HPSE2: variants seen among roughly 807,000 people sequenced by gnomAD.
HPSE2 encodes inactive heparanase-2.
Under a neutral mutation model 60.5 loss-of-function variants are expected in HPSE2, and 38 were observed. The ratio of observed to expected loss-of-function variants is 0.63; its 90% CI spans 0.48 to 0.82. The LOEUF is 0.82. Among genes scored for constraint, HPSE2 ranks in the 40% least tolerant of loss-of-function variants. The probability of loss-of-function intolerance (pLI) is 0.00; values close to 1 mark genes in which losing one functional copy is unlikely to be tolerated. For missense variants in HPSE2, 713 were observed against 740.4 expected (o/e 0.96, Z 0.43); for synonymous variants, 295 against 293.2 (o/e 1.01, Z -0.06).
intron 4 of HPSE2, among the ~76,000 whole-genome samples, chr10:98,730,813 G>T (rs1173083756): frequency 1.3e-5 from 2 of 152,204 alleles, no homozygotes; most frequent in African/African-American, 4.8e-5. Context: ...CATTGAGGTA[G>T]TAATTAAAAA....
chr10:98,844,420 ATTAT>A (rs1181137866), intron 3 of HPSE2, among the ~76,000 whole-genome samples: 2 of 152,194 alleles, frequency 1.3e-5, no homozygotes, highest in Non-Finnish European at 2.9e-5. Context: ...GATTTTGATA[ATTAT>A]TTAAATGATA....
intron 5 of HPSE2, among the ~76,000 whole-genome samples, chr10:98,699,504 A>G (rs1304357532): frequency 3.7e-5 from 4 of 107,382 alleles, no homozygotes; most frequent in Non-Finnish European, 8.3e-5. Context: ...AAATAATAAG[A>G]GCTATCTATG....
At chr10:99,104,379 T>C (rs1321410067) in intron 3 of HPSE2, among the ~76,000 whole-genome samples, 2 of 152,254 alleles carry the variant, frequency 1.3e-5, no homozygotes, top group South Asian at 2.1e-4. Context: ...CTCACACCAG[T>C]TAGAATGGTG....
chr10:99,130,588 C>T (rs1004861899), intron 3 of HPSE2, among the ~76,000 whole-genome samples: 16 of 152,048 alleles, frequency 1.1e-4, no homozygotes, highest in African/African-American at 3.9e-4. Flanking sequence ...TTCTCTTGGC[C>T]CCAAGGAAGG....
chr10:98,624,158 G>GAAGGAGAATAATAATA (rs371225265), intron 7 of HPSE2, among the ~76,000 whole-genome samples: 12 of 151,588 alleles, frequency 7.9e-5, no homozygotes, highest in African/African-American at 2.9e-4. Flanking sequence ...TTAGTCAAGG[G>GAAGGAGAATAATAATA]AAGGAGAATA....
intron 3 of HPSE2, among the ~76,000 whole-genome samples, chr10:98,876,065 G>C (rs566304755): frequency 1.2e-4 from 18 of 151,830 alleles, no homozygotes; most frequent in Non-Finnish European, 1.9e-4. Context: ...CCTACTTAAT[G>C]GGGTTCATGT....
chr10:98,850,736 CAAAAAAAAAAAA>C (rs11345838), intron 3 of HPSE2, among the ~76,000 whole-genome samples: 1 of 71,894 alleles, frequency 1.4e-5, no homozygotes, highest in African/African-American at 5.7e-5. Context: ...GACTCCATCT[CAAAAAAAAAAAA>C]AAAAAAAAAA....
upstream of HPSE2, among the ~76,000 whole-genome samples, chr10:99,238,839 A>G (rs1162881858): frequency 6.6e-6 from 1 of 152,152 alleles, no homozygotes; most frequent in Non-Finnish European, 1.5e-5. Flanking sequence ...AACTTCCTAG[A>G]AGACAAGTAT....
Position 99,148,627 on chromosome 10 carries a change from C to A in HPSE2, c.449-4228G>T, listed in dbSNP as rs573084960. On this transcript the variant is annotated intron_variant, in intron 2 of 11. Transcript: ENST00000370552. ...CCAACCTGGTGAAGCCCCGTCTCTACTAAAAACACAAAATTAGCCAGGCAT... is the reference window on the plus strand; with the variant it reads ...CCAACCTGGTGAAGCCCCGTCTCTAATAAAAACACAAAATTAGCCAGGCAT... 2.0e-5 allele frequency among the ~76,000 whole-genome samples: 3 copies of A among 152,154 alleles called. No individual in the cohort carries two copies. In the South Asian group the frequency reaches 6.2e-4, roughly 32 times the overall value.
chr10:98,842,042 G>A (rs1015958751), intron 3 of HPSE2, among the ~76,000 whole-genome samples: 4 of 152,096 alleles, frequency 2.6e-5, no homozygotes, highest in South Asian at 2.1e-4. Flanking sequence ...TCCTGACCTC[G>A]TGATCCGCCT....
chr10:99,247,591 C>A, the HPSE2 span, among the ~76,000 whole-genome samples: 50 of 152,316 alleles, frequency 3.3e-4, no homozygotes, highest in Non-Finnish European at 6.5e-4. Context: ...TTAAAAGACA[C>A]AGAGTGGTGA....
intron 3 of HPSE2, among the ~76,000 whole-genome samples, chr10:98,964,618 T>C (rs1190875980): frequency 6.6e-6 from 1 of 152,134 alleles, no homozygotes; most frequent in Non-Finnish European, 1.5e-5. Flanking sequence ...TTAGTATTCA[T>C]CAAGGATCTA....
chr10:98,617,513 C>T (rs892534968), intron 8 of HPSE2, among the ~76,000 whole-genome samples: 1 of 152,084 alleles, frequency 6.6e-6, no homozygotes, highest in African/African-American at 2.4e-5. Flanking sequence ...AACCTACATC[C>T]CTATATGCAT....
At chr10:98,844,109 A>T (rs1470077006) in intron 3 of HPSE2, among the ~76,000 whole-genome samples, 1 of 152,176 alleles carries the variant, frequency 6.6e-6, no homozygotes, top group Non-Finnish European at 1.5e-5. Context: ...TGGGCAAGTC[A>T]CTTACCCTCT....
intron 9 of HPSE2, among the ~76,000 whole-genome samples, chr10:98,544,224 A>G (rs1223850900): frequency 2.0e-5 from 3 of 152,238 alleles, no homozygotes; most frequent in African/African-American, 4.8e-5. Flanking sequence ...CTGCTCCTGA[A>G]TGACTACCGG....
At chr10:98,570,602 G>A (rs775797320) in intron 9 of HPSE2, among the ~76,000 whole-genome samples, 1 of 151,904 alleles carries the variant, frequency 6.6e-6, no homozygotes, top group African/African-American at 2.4e-5. Context: ...GTAATGACTT[G>A]GTAGTTGGAT....
intron 3 of HPSE2, among the ~76,000 whole-genome samples, chr10:99,023,813 G>A (rs2135432273): frequency 6.6e-6 from 1 of 152,360 alleles, no homozygotes; most frequent in South Asian, 2.1e-4. Flanking sequence ...AGCAGATACA[G>A]CTTAGATCAC....
At chr10:98,728,325 C>G (rs1164757627) in intron 4 of HPSE2, among the ~76,000 whole-genome samples, 1 of 152,050 alleles carries the variant, frequency 6.6e-6, no homozygotes, top group African/African-American at 2.4e-5. Context: ...CTGTATTAAA[C>G]TAGAATTAAG....
chr10:98,964,545 C>T (rs889528109), intron 3 of HPSE2, among the ~76,000 whole-genome samples: 2 of 151,956 alleles, frequency 1.3e-5, no homozygotes, highest in African/African-American at 2.4e-5. Flanking sequence ...TTGGTTTTCC[C>T]ACCCACTAAT....
Sources: allele counts gnomAD v4.1 joint callset (sites outside exome capture counted in the v4.1 genomes callset), GRCh38; gene constraint gnomAD v4.1.1; transcripts MANE v1.5; gene names NCBI Gene and HGNC (gene_info 2026-07-23, HGNC 2026-07-21).